SLC22A15: variants seen among roughly 807,000 people sequenced by gnomAD.
SLC22A15 encodes flipt 1.
SLC22A15 carries 45 observed loss-of-function variants against 62.7 expected under a neutral mutation model. The observed-to-expected ratio is 0.72, with a 90% CI of 0.56 to 0.92. SLC22A15 has a LOEUF of 0.92. Among genes scored for constraint, SLC22A15 ranks in the 40% least tolerant of loss-of-function variants. SLC22A15 has a pLI of 0.00. For missense variants in SLC22A15, 622 were observed against 665.6 expected (o/e 0.93, Z 0.72); for synonymous variants, 264 against 267.0 (o/e 0.99, Z 0.11).
intron 2 of SLC22A15, among the ~76,000 whole-genome samples, chr1:116,005,616 C>T (rs1486277578): frequency 6.6e-6 from 1 of 152,122 alleles, no homozygotes; most frequent in Non-Finnish European, 1.5e-5. Flanking sequence ...AACACTGATT[C>T]CATGGTAGGT....
In SLC22A15 at chr1:116,062,858, C is replaced by G. The variant is rs768937365; in HGVS notation, c.1268C>G (p.Ser423Cys). The G allele has an allele frequency of 1.9e-6, 3 of 1,613,702 alleles. No homozygotes were observed. In the African/African-American group the frequency reaches 4.0e-5, roughly 22 times the overall value. The change falls in exon 9 of 12, where the codon TCT becomes TGT. Residue 423 changes from serine to cysteine, a missense_variant. Transcript: ENST00000369503. ...TTTAACATTGTTTATATCTACACCT[C>G]TGAGCTTTACCCTACAGTCATCAGG... ...AAFNIVYIYT[S>C]ELYPTVIRNV... is the part of the protein sequence containing the mutation.
intron 7 of SLC22A15, among the ~76,000 whole-genome samples, chr1:116,036,534 G>A (rs1303544953): frequency 1.3e-5 from 2 of 152,104 alleles, no homozygotes; most frequent in Non-Finnish European, 2.9e-5. Context: ...TCTAGTCTTT[G>A]CCATGTGTTC....
chr1:116,045,425 A>T (rs1378860733), intron 8 of SLC22A15, among the ~76,000 whole-genome samples: 1 of 151,896 alleles, frequency 6.6e-6, no homozygotes, highest in Non-Finnish European at 1.5e-5. Flanking sequence ...AAGTTGAAGA[A>T]CTTAACTTAC....
intron 2 of SLC22A15, among the ~76,000 whole-genome samples, chr1:116,001,194 T>A (rs1482529848): frequency 6.6e-6 from 1 of 152,190 alleles, no homozygotes. Flanking sequence ...AAATTTGCTA[T>A]CAGACATATT....
At chr1:116,045,312 G>T (rs1332267330) in intron 8 of SLC22A15, among the ~76,000 whole-genome samples, 1 of 151,908 alleles carries the variant, frequency 6.6e-6, no homozygotes, top group Admixed American at 6.6e-5. Context: ...CTCCCAAAGT[G>T]CTGGGATTAC....
chr1:116,017,413 A>G (rs1177734169), intron 2 of SLC22A15: 1 of 152,086 alleles, frequency 6.6e-6, no homozygotes, highest in African/African-American at 2.4e-5. Flanking sequence ...AGAAAGAAAT[A>G]GTAAATCCAA....
At chr1:116,046,023 G>T (rs1037393866) in intron 8 of SLC22A15, among the ~76,000 whole-genome samples, 2 of 152,010 alleles carry the variant, frequency 1.3e-5, no homozygotes, top group Non-Finnish European at 2.9e-5. Context: ...TTAAAAAACG[G>T]TGCTGAAATA....
chr1:116,035,760 T>C (rs1657611385), intron 7 of SLC22A15, among the ~76,000 whole-genome samples: 1 of 152,258 alleles, frequency 6.6e-6, no homozygotes, highest in Non-Finnish European at 1.5e-5. Flanking sequence ...TCTTATCTTC[T>C]GTGGCCCATC....
intron 8 of SLC22A15, among the ~76,000 whole-genome samples, chr1:116,046,520 A>T (rs1159882582): frequency 1.3e-5 from 2 of 152,230 alleles, no homozygotes; most frequent in East Asian, 3.8e-4. Flanking sequence ...TGAAACCACA[A>T]TATCAGGATC....
chr1:116,065,444 A>G (rs536569158), intron 10 of SLC22A15, among the ~76,000 whole-genome samples: 2 of 152,318 alleles, frequency 1.3e-5, no homozygotes, highest in East Asian at 1.9e-4. Context: ...TAGCTATCCT[A>G]CAACATTATA....
chr1:116,040,967 T>G (rs1557902231), intron 8 of SLC22A15, among the ~76,000 whole-genome samples: 1 of 152,220 alleles, frequency 6.6e-6, no homozygotes, highest in Admixed American at 6.5e-5. Flanking sequence ...AGAGGATTAA[T>G]GCTGCCTGAT....
intron 1 of SLC22A15, among the ~76,000 whole-genome samples, chr1:115,979,447 A>G (rs1654506716): frequency 6.6e-6 from 1 of 152,248 alleles, no homozygotes; most frequent in Non-Finnish European, 1.5e-5. Flanking sequence ...ATTAATGTAC[A>G]TAAACAAAAA....
At chr1:116,012,734 T>C (rs974373769) in intron 2 of SLC22A15, among the ~76,000 whole-genome samples, 1 of 152,248 alleles carries the variant, frequency 6.6e-6, no homozygotes, top group African/African-American at 2.4e-5. Context: ...TTATAGGTGG[T>C]CCTCAACTTA....
intron 2 of SLC22A15, among the ~76,000 whole-genome samples, chr1:115,994,800 C>A (rs1297835495): frequency 6.6e-6 from 1 of 152,160 alleles, no homozygotes; most frequent in East Asian, 1.9e-4. Context: ...AGAAATTCAA[C>A]ATTGATACTA....
At chr1:116,016,906 C>A (rs1162035983) in intron 2 of SLC22A15, among the ~76,000 whole-genome samples, 2 of 152,154 alleles carry the variant, frequency 1.3e-5, no homozygotes, top group Non-Finnish European at 2.9e-5. Context: ...ACTGTAACTC[C>A]CCTGCTTCCA....
Position 116,055,987 on chromosome 1 carries a change from A to T in SLC22A15, c.1172-6775A>T, listed in dbSNP as rs1163831971. On this transcript the variant is annotated intron_variant, in intron 8 of 11. Coordinates refer to ENST00000369503, the MANE Select transcript of SLC22A15 (RefSeq NM_018420.3). ...AAAAACTGGAAGCATTCCCTTTGAA[A>T]ACTGGCACAAGACAGCGATGCCCTC... Among the ~76,000 whole-genome samples, 4 of 132,996 alleles carry T rather than the reference A, an allele frequency of 3.0e-5. No homozygotes were observed. In the East Asian group the frequency reaches 9.1e-4, roughly 30 times the overall value. 87.3% of individuals were successfully genotyped at this position (132,996 alleles called of 152,430 possible).
chr1:116,060,886 C>G (rs1185799645), intron 8 of SLC22A15, among the ~76,000 whole-genome samples: 2 of 152,180 alleles, frequency 1.3e-5, no homozygotes, highest in Non-Finnish European at 2.9e-5. Flanking sequence ...TTTGAGAAAG[C>G]AGCTCCAGAA....
intron 8 of SLC22A15, among the ~76,000 whole-genome samples, chr1:116,059,393 C>A (rs12081010): frequency 0.02 from 3,118 of 152,204 alleles, 106 homozygotes; most frequent in African/African-American, 0.071. Context: ...TTAATAATAG[C>A]CCCAAACTGG....
Position 116,004,004 on chromosome 1 carries a change from G to T in SLC22A15, c.300+11761G>T, listed in dbSNP as rs193081335. On this transcript the variant is annotated intron_variant, in intron 2 of 11. Transcript: ENST00000369503. ...ATTATCAAGGAACTGAAACTCAGCA[G>T]ATCACTGCATCCAGACAGTGAAAGG... is the stretch of plus-strand genomic sequence containing the variant. Among the ~76,000 whole-genome samples, 193 of 152,320 alleles carry T rather than the reference G, an allele frequency of 1.3e-3. 2 individuals carry two copies. Among genetic ancestry groups the T allele is most frequent in the African/African-American group, 4.4e-3 (182 of 41,572 alleles).
Sources: gnomAD v4.1 joint callset for allele counts (sites outside exome capture counted in the v4.1 genomes callset) on GRCh38, gnomAD v4.1.1 for gene constraint, MANE v1.5 for transcripts, NCBI Gene and HGNC (gene_info 2026-07-23, HGNC 2026-07-21) for gene names.